Variants in PTPRD observed in about 807,000 individuals in gnomAD.
PTPRD encodes the protein protein tyrosine phosphatase receptor type D.
A neutral mutation model predicts 214.5 loss-of-function variants in PTPRD; 34 were observed. The observed-to-expected ratio is 0.16, with a 90% CI of 0.12 to 0.21. The LOEUF is 0.21. Among genes scored for constraint, PTPRD ranks in the 10% least tolerant of loss-of-function variants. PTPRD has a pLI of 1.00. For synonymous variants in PTPRD, 1,128 were observed against 845.7 expected (o/e 1.33, Z -5.79); for missense variants, 2,545 against 2,398.7 (o/e 1.06, Z -1.27).
intron 11 of PTPRD, among the ~76,000 whole-genome samples, chr9:8,819,274 A>C (rs1193682156): frequency 2.0e-5 from 3 of 152,218 alleles, no homozygotes; most frequent in Non-Finnish European, 4.4e-5. Context: ...AAACTATATA[A>C]AAGCTCATTC....
intron 3 of PTPRD, among the ~76,000 whole-genome samples, chr9:10,312,484 A>T (rs565893286): frequency 1.3e-5 from 2 of 151,840 alleles, no homozygotes; most frequent in East Asian, 1.9e-4. Flanking sequence ...CAATAGGAAA[A>T]CTCTAATAAG....
chr9:10,264,750 G>A (rs1213499135), intron 3 of PTPRD, among the ~76,000 whole-genome samples: 2 of 152,094 alleles, frequency 1.3e-5, no homozygotes, highest in Admixed American at 6.5e-5. Flanking sequence ...CTGAGGACAC[G>A]AGATTTGGGA....
intron 10 of PTPRD, among the ~76,000 whole-genome samples, chr9:9,137,338 C>G (rs777824524): frequency 2.0e-5 from 3 of 152,122 alleles, no homozygotes; most frequent in Non-Finnish European, 4.4e-5. Flanking sequence ...GTATCATTCT[C>G]TTGGTCTGTC....
chr9:10,537,145 A>C (rs1398215208), intron 2 of PTPRD, among the ~76,000 whole-genome samples: 3 of 152,182 alleles, frequency 2.0e-5, no homozygotes, highest in Non-Finnish European at 4.4e-5. Context: ...ATGCATGGCG[A>C]GATCTATCAG....
At chr9:9,760,045 C>G (rs879797268) in intron 6 of PTPRD, among the ~76,000 whole-genome samples, 3 of 152,128 alleles carry the variant, frequency 2.0e-5, no homozygotes, top group South Asian at 4.1e-4. Context: ...TTGTCTATCA[C>G]TAGACATTCA....
chr9:8,964,193 T>TTTTTG (rs2099175429), intron 11 of PTPRD, among the ~76,000 whole-genome samples: 1 of 122,714 alleles, frequency 8.1e-6, no homozygotes, highest in African/African-American at 4.0e-5. Context: ...CAGGGCTGTG[T>TTTTTG]TTTTTTTTTT....
intron 12 of PTPRD, among the ~76,000 whole-genome samples, chr9:8,670,555 A>G (rs559956188): frequency 6.6e-6 from 1 of 152,194 alleles, no homozygotes; most frequent in African/African-American, 2.4e-5. Context: ...AACAGTAACC[A>G]CTATGCTATC....
chr9:10,551,183 A>T (rs186539232), intron 2 of PTPRD, among the ~76,000 whole-genome samples: 53 of 152,112 alleles, frequency 3.5e-4, no homozygotes, highest in Non-Finnish European at 2.5e-4. Flanking sequence ...AAGAAACCTT[A>T]AAAAAAGTAG....
chr9:8,385,258 G>A (rs993332173), intron 37 of PTPRD, among the ~76,000 whole-genome samples: 22 of 152,132 alleles, frequency 1.4e-4, no homozygotes, highest in African/African-American at 5.1e-4. Context: ...GGCACGGGCT[G>A]GCTCAAGCCT....
chr9:9,531,254 C>A (rs141486573), intron 8 of PTPRD, among the ~76,000 whole-genome samples: 2 of 152,040 alleles, frequency 1.3e-5, no homozygotes, highest in Non-Finnish European at 2.9e-5. Context: ...GCCTTACTTA[C>A]GGGTTCATAT....
chr9:8,626,028 G>C (rs538200604), intron 14 of PTPRD, among the ~76,000 whole-genome samples: 1 of 151,762 alleles, frequency 6.6e-6, no homozygotes, highest in African/African-American at 2.4e-5. Context: ...TACGTAATTA[G>C]GGCTTTGATA....
At chr9:9,284,673 T>C (rs558919776) in intron 9 of PTPRD, among the ~76,000 whole-genome samples, 2 of 151,828 alleles carry the variant, frequency 1.3e-5, no homozygotes, top group African/African-American at 4.8e-5. Flanking sequence ...GAATTTTAAC[T>C]TAGAGGAAAT....
chr9:9,861,344 G>A (rs1052561126), intron 5 of PTPRD, among the ~76,000 whole-genome samples: 7 of 152,146 alleles, frequency 4.6e-5, no homozygotes, highest in African/African-American at 1.7e-4. Context: ...AGGCTGGAGT[G>A]CATTGGCGCC....
intron 2 of PTPRD, among the ~76,000 whole-genome samples, chr9:10,346,825 G>T (rs1419693556): frequency 6.6e-6 from 1 of 152,162 alleles, no homozygotes; most frequent in Admixed American, 6.5e-5. Context: ...TAATTTCACA[G>T]AACATGTGAT....
intron 14 of PTPRD, among the ~76,000 whole-genome samples, chr9:8,601,672 T>C (rs2094875798): frequency 6.6e-6 from 1 of 152,234 alleles, no homozygotes; most frequent in African/African-American, 2.4e-5. Context: ...CAAGAACCAC[T>C]GTGCTATTGG....
chr9:10,164,618 T>C (rs2099148037), intron 3 of PTPRD, among the ~76,000 whole-genome samples: 1 of 151,628 alleles, frequency 6.6e-6, no homozygotes, highest in East Asian at 1.9e-4. Context: ...ATTTGCATCG[T>C]CCTTATAAAT....
chr9:8,465,716 A>G, intron 31 of PTPRD, 41 bp from the exon 32 acceptor site: 1 of 1,520,746 alleles, frequency 6.6e-7, no homozygotes. Context: ...AACTGTAAAT[A>G]ATAACCCAGC....
chr9:9,981,784 A>G (rs1402419436), intron 4 of PTPRD, among the ~76,000 whole-genome samples: 1 of 152,166 alleles, frequency 6.6e-6, no homozygotes, highest in African/African-American at 2.4e-5. Flanking sequence ...GACTCGTATC[A>G]TACTCTATTT....
chr9:8,987,068 G>T (rs1292885993), intron 11 of PTPRD, among the ~76,000 whole-genome samples: 1 of 152,064 alleles, frequency 6.6e-6, no homozygotes, highest in Non-Finnish European at 1.5e-5. Flanking sequence ...CTCTTAGAAG[G>T]TTAAGACATC....
Sources: allele counts gnomAD v4.1 joint callset (sites outside exome capture counted in the v4.1 genomes callset), GRCh38; gene constraint gnomAD v4.1.1; transcripts MANE v1.5; gene names NCBI Gene and HGNC (gene_info 2026-07-23, HGNC 2026-07-21).